The following CSGALNACT1 variants were observed in gnomAD, a reference collection of about 807,000 sequenced individuals.
CSGALNACT1 encodes beta4GalNAcT-1.
Under a neutral mutation model 51.0 loss-of-function variants are expected in CSGALNACT1, and 52 were observed. The ratio of observed to expected loss-of-function variants is 1.02; its 90% CI spans 0.82 to 1.29. CSGALNACT1 has a LOEUF of 1.29. Among genes scored for constraint, CSGALNACT1 ranks in the 50% most tolerant of loss-of-function variants. CSGALNACT1 has a pLI of 0.00. For synonymous variants in CSGALNACT1, 341 were observed against 254.4 expected (o/e 1.34, Z -3.24); for missense variants, 935 against 679.2 (o/e 1.38, Z -4.19).
At chr8:19,555,058 G>T (rs1020331990) in intron 3 of CSGALNACT1, among the ~76,000 whole-genome samples, 1 of 151,528 alleles carries the variant, frequency 6.6e-6, no homozygotes, top group African/African-American at 2.4e-5. Context: ...AGCCAACATG[G>T]TGAAACCTTG....
intron 1 of CSGALNACT1, among the ~76,000 whole-genome samples, chr8:19,722,289 C>A (rs1180730100): frequency 6.6e-6 from 1 of 152,122 alleles, no homozygotes; most frequent in Non-Finnish European, 1.5e-5. Context: ...GGGCCTCCAT[C>A]AGTATTTTTT....
intron 5 of CSGALNACT1, among the ~76,000 whole-genome samples, chr8:19,442,636 G>A (rs561053273): frequency 2.6e-5 from 4 of 151,252 alleles, no homozygotes; most frequent in Non-Finnish European, 5.9e-5. Context: ...GAGTTAGTGG[G>A]TGCAGCACAC....
intron 1 of CSGALNACT1, among the ~76,000 whole-genome samples, chr8:19,726,338 C>A (rs1589716146): frequency 6.6e-6 from 1 of 151,898 alleles, no homozygotes; most frequent in Admixed American, 6.6e-5. Context: ...TGTTAACTAC[C>A]TTGATAAATA....
At chr8:19,515,352 G>A (rs1252397512) in intron 3 of CSGALNACT1, among the ~76,000 whole-genome samples, 2 of 152,112 alleles carry the variant, frequency 1.3e-5, no homozygotes, top group African/African-American at 4.8e-5. Context: ...TTCCCTGTGA[G>A]GTCCCCCTAT....
chr8:19,743,958 T>C (rs149112550), intron 1 of CSGALNACT1, among the ~76,000 whole-genome samples: 4 of 151,548 alleles, frequency 2.6e-5, no homozygotes, highest in Non-Finnish European at 4.4e-5. Context: ...GGCACTCTAA[T>C]AAGAAAGGAA....
At chr8:19,437,528 G>T (rs570757926) in intron 6 of CSGALNACT1, among the ~76,000 whole-genome samples, 23 of 152,246 alleles carry the variant, frequency 1.5e-4, no homozygotes, top group African/African-American at 5.1e-4. Context: ...CACCATAAGA[G>T]AGGGCAGGAC....
At chr8:19,534,174 G>A (rs182681092) in intron 3 of CSGALNACT1, among the ~76,000 whole-genome samples, 5 of 152,276 alleles carry the variant, frequency 3.3e-5, no homozygotes, top group South Asian at 2.1e-4. Flanking sequence ...ATATGAGGCC[G>A]GGTGTGGTGG....
chr8:19,646,249 C>T (rs2057266106), intron 1 of CSGALNACT1, among the ~76,000 whole-genome samples: 3 of 152,088 alleles, frequency 2.0e-5, no homozygotes, highest in African/African-American at 2.4e-5. Flanking sequence ...GTATCTGGAT[C>T]GTAAGAGAAT....
intron 1 of CSGALNACT1, among the ~76,000 whole-genome samples, chr8:19,731,934 T>A (rs1277861017): frequency 6.6e-6 from 1 of 152,214 alleles, no homozygotes; most frequent in Non-Finnish European, 1.5e-5. Context: ...TGCAACTCTA[T>A]CTTTGGCATT....
intron 4 of CSGALNACT1, among the ~76,000 whole-genome samples, chr8:19,487,231 C>A (rs544199557): frequency 2.6e-5 from 4 of 152,348 alleles, no homozygotes; most frequent in African/African-American, 9.6e-5. Context: ...TCCTAGAACA[C>A]AGCATTGCTT....
At position 19,464,565 on chromosome 8, in the gene CSGALNACT1, G is replaced by A. The variant is rs76016250; in HGVS notation, c.635-5923C>T. 9.2e-5 allele frequency among the ~76,000 whole-genome samples: 14 copies of A among 152,192 alleles called. No homozygotes were observed. In the East Asian group the frequency reaches 2.5e-3, roughly 27 times the overall value. ...GTCCCCAAGCCACGGAATGGTACCA[G>A]TCCGTGGCCTGTTCAGAACTGTGCT... is the stretch of plus-strand genomic sequence containing the variant. On this transcript the variant is annotated intron_variant, in intron 4 of 9. Coordinates refer to ENST00000454498, the Ensembl canonical transcript of CSGALNACT1.
chr8:19,518,552 T>C (rs994214950), intron 3 of CSGALNACT1, among the ~76,000 whole-genome samples: 1 of 152,210 alleles, frequency 6.6e-6, no homozygotes, highest in South Asian at 2.1e-4. Flanking sequence ...AACCAGACTA[T>C]AAAATCCTGT....
At chr8:19,666,809 A>AAGAAAGAGAGAGAGAG (rs1564383214) in intron 1 of CSGALNACT1, among the ~76,000 whole-genome samples, 5 of 25,108 alleles carry the variant, frequency 2.0e-4, no homozygotes, top group South Asian at 1.4e-3. Context: ...GAAAGAAAGA[A>AAGAAAGAGAGAGAGAG]AGAGAGAGAG....
At chr8:19,636,350 T>C (rs2056063159) in intron 1 of CSGALNACT1, among the ~76,000 whole-genome samples, 1 of 152,206 alleles carries the variant, frequency 6.6e-6, no homozygotes, top group African/African-American at 2.4e-5. Context: ...TAATATATAT[T>C]AGGGTTTGGG....
At chr8:19,443,112 C>T (rs917565590) in intron 5 of CSGALNACT1, among the ~76,000 whole-genome samples, 1 of 152,172 alleles carries the variant, frequency 6.6e-6, no homozygotes, top group Non-Finnish European at 1.5e-5. Flanking sequence ...CTGGCCTGGT[C>T]CTGACCTGCT....
At chr8:19,630,753 C>T (rs1305652061) in intron 1 of CSGALNACT1, among the ~76,000 whole-genome samples, 1 of 152,192 alleles carries the variant, frequency 6.6e-6, no homozygotes, top group Non-Finnish European at 1.5e-5. Flanking sequence ...TGGCTTCTTT[C>T]ACTACAATAT....
intron 3 of CSGALNACT1, among the ~76,000 whole-genome samples, chr8:19,526,607 A>C (rs1044609112): frequency 1.3e-5 from 2 of 152,068 alleles, no homozygotes; most frequent in Non-Finnish European, 2.9e-5. Flanking sequence ...ATTTATATAT[A>C]AAAATTGTAG....
intron 1 of CSGALNACT1, among the ~76,000 whole-genome samples, chr8:19,691,427 C>A (rs1264794022): frequency 2.0e-5 from 3 of 152,144 alleles, no homozygotes; most frequent in Non-Finnish European, 4.4e-5. Context: ...TTTCTTAAAA[C>A]AAACAAAACA....
intron 1 of CSGALNACT1, among the ~76,000 whole-genome samples, chr8:19,655,763 A>T (rs143549666): frequency 8.1e-4 from 123 of 152,036 alleles, no homozygotes; most frequent in African/African-American, 2.9e-3. Context: ...AAAGTGAAAA[A>T]TTTTTTTCAC....
Sources: gnomAD v4.1 joint callset for allele counts (sites outside exome capture counted in the v4.1 genomes callset) on GRCh38, gnomAD v4.1.1 for gene constraint, MANE v1.5 for transcripts, NCBI Gene and HGNC (gene_info 2026-07-23, HGNC 2026-07-21) for gene names.